Variants in SP100 observed in about 807,000 individuals in gnomAD.
SP100 encodes nuclear autoantigen Sp-100.
SP100 carries 84 observed loss-of-function variants against 130.0 expected under a neutral mutation model. That is an observed-to-expected ratio of 0.65 (90% confidence interval 0.54 to 0.77). SP100 has a LOEUF of 0.77. Ranked by LOEUF, SP100 falls within the 30% of genes least tolerant of loss-of-function variation. The pLI, the probability that SP100 is intolerant of heterozygous loss-of-function variation, is 0.00. For synonymous variants in SP100, 331 were observed against 351.7 expected (o/e 0.94, Z 0.66); for missense variants, 978 against 1,052.2 (o/e 0.93, Z 0.97).
rs1261909781 is a variant in SP100, at chr2:230,461,385, C to G, written c.944C>G (p.Thr315Ser). The G allele has an allele frequency of 6.2e-7, 1 of 1,614,140 alleles. No homozygotes were observed. The highest frequency in any genetic ancestry group is 8.5e-7 in the Non-Finnish European group (1 of 1,179,992). Reference sequence around the variant, plus strand: ...GTTGAGTGCCAAGCCCAAGCAAGAACTCATCATAACCAGGCATCTGACATA... The same window carrying G: ...GTTGAGTGCCAAGCCCAAGCAAGAAGTCATCATAACCAGGCATCTGACATA... ...SKVECQAQAR[T>S]HHNQASDIIV... The change falls in exon 9 of 29, where the codon ACT (threonine) becomes AGT (serine). Residue 315 changes from threonine to serine, a missense_variant. Physicochemically the swap from Thr to Ser is moderately conservative, Grantham distance 58. Coordinates refer to ENST00000340126, the MANE Select transcript of SP100 (RefSeq NM_001080391.2).
intron 24 of SP100, 87 bp downstream of exon 24, chr2:230,511,253 T>C (rs1344048426): frequency 8.5e-6 from 8 of 942,032 alleles, no homozygotes; most frequent in Middle Eastern, 2.1e-4. Context: ...CCCCGAAGCA[T>C]GCTCAGTCTC....
At chr2:230,501,544 A>G (rs988034221) in intron 19 of SP100, among the ~76,000 whole-genome samples, 2 of 152,224 alleles carry the variant, frequency 1.3e-5, no homozygotes, top group African/African-American at 2.4e-5. Context: ...CAGAAAATAC[A>G]GTGTCATCAA....
intron 17 of SP100, among the ~76,000 whole-genome samples, chr2:230,489,198 A>G (rs751844247): frequency 6.6e-6 from 1 of 152,062 alleles, no homozygotes; most frequent in African/African-American, 2.4e-5. Context: ...TCAATTTCAG[A>G]ACTTGTTATT....
chr2:230,461,170 A>G (rs2064601348), intron 8 of SP100, 92 bp from the exon 9 acceptor site: 1 of 1,230,104 alleles, frequency 8.1e-7, no homozygotes, highest in Admixed American at 1.9e-5. Flanking sequence ...GTCTAGCCCC[A>G]GCAGTGAAAT....
chr2:230,457,600 C>T (rs1238925792), intron 8 of SP100, among the ~76,000 whole-genome samples: 2 of 152,156 alleles, frequency 1.3e-5, no homozygotes, highest in Non-Finnish European at 2.9e-5. Flanking sequence ...CATATTGTAT[C>T]TTGCTCAATG....
intron 2 of SP100, among the ~76,000 whole-genome samples, chr2:230,420,830 C>T (rs1395403242): frequency 1.3e-5 from 2 of 152,130 alleles, no homozygotes; most frequent in African/African-American, 4.8e-5. Flanking sequence ...TCCAGTTTCC[C>T]TAATGGATTA....
At chr2:230,522,788 C>G (rs1691238455) in intron 24 of SP100, among the ~76,000 whole-genome samples, 1 of 151,412 alleles carries the variant, frequency 6.6e-6, no homozygotes, top group African/African-American at 2.4e-5. Flanking sequence ...GGCACCCAGC[C>G]CCAGTGTTCT....
chr2:230,438,648 T>TATATATATATACACACAC (rs1246055755), intron 2 of SP100, among the ~76,000 whole-genome samples: 1 of 127,402 alleles, frequency 7.8e-6, no homozygotes, highest in African/African-American at 3.0e-5. Flanking sequence ...TGTATATATA[T>TATATATATATACACACAC]ACACACACAC....
chr2:230,542,150 C>G (rs1692202190), intron 28 of SP100, 115 bp downstream of exon 28: 1 of 1,101,162 alleles, frequency 9.1e-7, no homozygotes, highest in South Asian at 1.4e-5. Context: ...ATATGACAAG[C>G]CCATACAAGT....
intron 28 of SP100, 134 bp downstream of exon 28, chr2:230,542,169 TG>T: frequency 5.2e-6 from 5 of 965,886 alleles, no homozygotes; most frequent in Non-Finnish European, 7.8e-6. Flanking sequence ...GTACAAATCC[TG>T]GAAGTATCCT....
intron 24 of SP100, chr2:230,515,275 A>T (rs1690846275): frequency 1.2e-6 from 2 of 1,610,198 alleles, no homozygotes; most frequent in African/African-American, 1.3e-5. Context: ...TAAAGGGGAG[A>T]AAAAAAAGAA....
chr2:230,485,495 T>C (rs2150026860), intron 17 of SP100, among the ~76,000 whole-genome samples: 1 of 152,312 alleles, frequency 6.6e-6, no homozygotes, highest in South Asian at 2.1e-4. Context: ...CATCCTTTTC[T>C]GTTTTCTACA....
chr2:230,450,999 A>G (rs2063952795), intron 8 of SP100, among the ~76,000 whole-genome samples: 1 of 152,204 alleles, frequency 6.6e-6, no homozygotes, highest in Admixed American at 6.5e-5. Context: ...TGATGGTTAG[A>G]CATATGATTT....
rs2065001912 is a variant in SP100 at position 230,467,111 on chromosome 2, T to C, written c.1196-9T>C. On this transcript the variant is annotated splice_polypyrimidine_tract_variant and intron_variant, in intron 12 of 28. Coordinates refer to ENST00000340126, the MANE Select transcript of SP100 (RefSeq NM_001080391.2). ...GAGAGCTCCAAAGGACATTTGCTCC[T>C]TTCTGCAGTGATAGGACAAGACCAC... The C allele has an allele frequency of 1.2e-6, 2 of 1,604,926 alleles. No homozygotes were observed. The highest frequency in any genetic ancestry group is 2.7e-5 in the African/African-American group (2 of 74,768).
chr2:230,469,963 G>A lies in SP100; in HGVS notation c.1346-52G>A, dbSNP rs367582760. The A allele has an allele frequency of 8.3e-6, 13 of 1,567,164 alleles. No homozygotes were observed. The African/African-American group carries it at 1.4e-4, about 16-fold the overall frequency. On this transcript the variant is annotated intron_variant, in intron 14 of 28. Coordinates refer to ENST00000340126, the MANE Select transcript of SP100 (RefSeq NM_001080391.2). ...TTTTGCTTTTAAAGAATTCCCTGCT[G>A]ATTCCTAAGACTCAGACTAAGACTG...
Position 230,541,972 on chromosome 2 carries a change from C to A in SP100, c.2484C>A (p.Thr828=). The A allele has an allele frequency of 6.2e-7, 1 of 1,614,014 alleles. No individual in the cohort carries two copies. The highest frequency in any genetic ancestry group is 2.2e-5 in the East Asian group (1 of 44,886). ...VKTSLNEQMY[T]RVEGFVQDMR... The stretch of plus-strand genomic sequence containing the variant: ...CAAGTTTGAATGAGCAGATGTACAC[C>A]CGAGTAGAAGGGTTTGTGCAGGACA... Residue 828 remains threonine (T), a synonymous_variant, in exon 28 of 29, where the codon ACC becomes ACA. Coordinates refer to ENST00000340126, the MANE Select transcript of SP100 (RefSeq NM_001080391.2).
chr2:230,449,802 C>T lies in SP100; in HGVS notation c.736+92C>T. 6.0e-6 allele frequency: 8 copies of T among 1,326,864 alleles called. No individual in the cohort carries two copies. The South Asian group carries it at 1.1e-4, about 18-fold the overall frequency. The allele number at this position is 1,326,864 out of a possible 1,614,324, so 82.2% of individuals were successfully genotyped here. On this transcript the variant is annotated intron_variant, in intron 7 of 28. Transcript: ENST00000340126. ...GTCTAATGCACAATACAAGGAGACA[C>T]CTGTTTAACAAGCAGGGGAAAATCA...
intron 24 of SP100, among the ~76,000 whole-genome samples, chr2:230,517,899 A>G (rs184748850): frequency 1.4e-4 from 22 of 152,016 alleles, no homozygotes; most frequent in Non-Finnish European, 2.5e-4. Context: ...TTTGTTTTTT[A>G]TTAGTTTATT....
chr2:230,421,170 T>C (rs2062756797), intron 2 of SP100, among the ~76,000 whole-genome samples: 1 of 152,116 alleles, frequency 6.6e-6, no homozygotes, highest in African/African-American at 2.4e-5. Context: ...ATTGCCCTCT[T>C]ATATATTTGC....
Sources: gnomAD v4.1 joint callset for allele counts (sites outside exome capture counted in the v4.1 genomes callset) on GRCh38, gnomAD v4.1.1 for gene constraint, MANE v1.5 for transcripts, NCBI Gene and HGNC (gene_info 2026-07-23, HGNC 2026-07-21) for gene names.